The following FAM228A variants were observed in gnomAD, a reference collection of about 807,000 sequenced individuals.
FAM228A encodes protein FAM228A.
In FAM228A, 13 loss-of-function variants were observed where a neutral mutation model predicts 18.6. The observed-to-expected ratio is 0.70, with a 90% CI of 0.45 to 1.11. The LOEUF is 1.11. Ranked by LOEUF, FAM228A falls within the 50% of genes least tolerant of loss-of-function variation. The probability of loss-of-function intolerance (pLI) is 0.00; values close to 1 mark genes in which losing one functional copy is unlikely to be tolerated. For synonymous variants in FAM228A, 77 were observed against 86.6 expected (o/e 0.89, Z 0.61); for missense variants, 240 against 242.2 (o/e 0.99, Z 0.06).
intron 5 of FAM228A, among the ~76,000 whole-genome samples, chr2:24,185,089 C>G (rs543513815): frequency 1.3e-5 from 2 of 152,260 alleles, no homozygotes; most frequent in Non-Finnish European, 2.9e-5. Context: ...TCCCAAAGTG[C>G]TGGGATTACA....
In FAM228A at chr2:24,191,358, G is replaced by T. The variant is rs1471178214; in HGVS notation, c.*727G>T. 1.0e-6 allele frequency: 1 copy of T among 985,466 alleles called. No homozygotes were observed. The highest frequency in any genetic ancestry group is 1.1e-4 in the East Asian group (1 of 8,826). 61.0% of individuals were successfully genotyped at this position (985,466 alleles called of 1,614,324 possible). ...CTTTCCAGCCTGTGAGCCTGGATAG[G>T]TATTTTGTGACCCAGCTCCTGCTCA... On this transcript the variant is annotated 3_prime_UTR_variant, in exon 6 of 6. Transcript: ENST00000295150.
rs1189959205 is a variant in FAM228A at position 24,175,596 on chromosome 2, G to T, written c.93+23G>T. ...GAGGTGAGATAACGTGGCGTTTTGA[G>T]ACGTCATTTTGGCGGGGGGACCCCT... is the stretch of plus-strand genomic sequence containing the variant. On this transcript the variant is annotated intron_variant, in intron 2 of 5. Coordinates refer to ENST00000295150, the MANE Select transcript of FAM228A (RefSeq NM_001040710.3). The T allele has an allele frequency of 4.4e-6, 7 of 1,578,564 alleles. No homozygotes were observed. In the African/African-American group the frequency reaches 9.4e-5, roughly 21 times the overall value.
At chr2:24,188,493 C>T in intron 5 of FAM228A, 1 of 985,286 alleles carries the variant, frequency 1.0e-6, no homozygotes, top group Non-Finnish European at 1.2e-6. Context: ...CATTGAGAAA[C>T]CAAGCACATT....
chr2:24,183,748 A>G lies in FAM228A; in HGVS notation c.401+103A>G, dbSNP rs979997285. 5.4e-6 allele frequency: 5 copies of G among 934,452 alleles called. No individual in the cohort carries two copies. The Admixed American group carries it at 1.2e-4, about 23-fold the overall frequency. The allele number at this position is 934,452 out of a possible 1,614,324, so 57.9% of individuals were successfully genotyped here. On this transcript the variant is annotated intron_variant, in intron 5 of 5. Transcript: ENST00000295150. ...TCACACTTTTGTCTTTTAGTAGTTT[A>G]TAGTTTTATTATTATTATCATCACC...
chr2:24,182,575 T>C (rs1305288805), intron 3 of FAM228A, among the ~76,000 whole-genome samples: 1 of 152,058 alleles, frequency 6.6e-6, no homozygotes, highest in African/African-American at 2.4e-5. Context: ...ATAGCTCTGG[T>C]CACCTGACCC....
At chr2:24,189,080 T>C (rs1668022972) in intron 5 of FAM228A, among the ~76,000 whole-genome samples, 1 of 152,178 alleles carries the variant, frequency 6.6e-6, no homozygotes, top group Admixed American at 6.5e-5. Flanking sequence ...AAAGGCTTCA[T>C]GTTGCTTTGT....
At chr2:24,178,042 T>C (rs1436253706) in intron 3 of FAM228A, among the ~76,000 whole-genome samples, 172 bp downstream of exon 3, 1 of 152,200 alleles carries the variant, frequency 6.6e-6, no homozygotes, top group African/African-American at 2.4e-5. Flanking sequence ...CCATGCCCCC[T>C]TCTTGCAGGA....
rs1156369808 is a variant in FAM228A, at chr2:24,190,447, A to G, written c.437A>G (p.Lys146Arg). The G allele has an allele frequency of 1.9e-6, 3 of 1,613,762 alleles. 1 individual carries two copies. In the South Asian group the frequency reaches 3.3e-5, roughly 18 times the overall value. The change falls in exon 6 of 6, where the codon AAA becomes AGA. Residue 146 changes from lysine (K) to arginine (R), a missense_variant. Physicochemically the swap from Lys to Arg is conservative, Grantham distance 26 (BLOSUM62 2). Transcript: ENST00000295150. ...EKLIYADKKQKRKEKKTADLS... is the reference protein window; with the variant it reads ...EKLIYADKKQRRKEKKTADLS... Reference sequence around the variant, plus strand: ...CTCATCTATGCAGACAAGAAACAGAAAAGAAAAGAGAAAAAGACGGCCGAC... The same window carrying G: ...CTCATCTATGCAGACAAGAAACAGAGAAGAAAAGAGAAAAAGACGGCCGAC...
chr2:24,176,100 AAAG>A, intron 2 of FAM228A: 1 of 985,454 alleles, frequency 1.0e-6, no homozygotes, highest in African/African-American at 1.7e-5. Context: ...GCAAAATCAC[AAAG>A]AAGAGCCATC....
intron 4 of FAM228A, 56 bp from the exon 5 acceptor site, chr2:24,183,439 C>T: frequency 6.2e-7 from 1 of 1,610,560 alleles, no homozygotes. Flanking sequence ...CTCACTCCTT[C>T]AAGAGCAACT....
rs1357991307 is a variant in FAM228A at position 24,183,645 on chromosome 2, G to C, written c.401G>C (p.Ser134Thr). 2 of 1,584,486 alleles carry C rather than the reference G, an allele frequency of 1.3e-6. No homozygotes were observed. The highest frequency in any genetic ancestry group is 3.7e-5 in the Admixed American group (2 of 53,638). ...GCCAGGAGTAAAACTTACAAATACA[G>C]GTACAGATGAGCAGAACAAACAAAT... ...ARARSKTYKY[S>T]PEKLIYADKK... is the part of the protein sequence containing the mutation. The change falls in exon 5 of 6, where the codon AGT becomes ACT. Residue 134 changes from serine to threonine, a missense_variant and splice_region_variant. Ser to Thr is a moderately conservative substitution (Grantham distance 58, BLOSUM62 1). Coordinates refer to ENST00000295150, the MANE Select transcript of FAM228A (RefSeq NM_001040710.3).
At chr2:24,183,144 G>GT in intron 3 of FAM228A, 141 bp from the exon 4 acceptor site, 1 of 639,480 alleles carries the variant, frequency 1.6e-6, no homozygotes, top group Non-Finnish European at 2.8e-6. Flanking sequence ...CGAATAGGTC[G>GT]TTTTTCAACC....
At chr2:24,183,200 T>C in intron 3 of FAM228A, 85 bp from the exon 4 acceptor site, 1 of 1,001,030 alleles carries the variant, frequency 1.0e-6, no homozygotes, top group Non-Finnish European at 1.6e-6. Context: ...TCAGGGTCTA[T>C]TGTTCCCATC....
In FAM228A at chr2:24,183,580, C is replaced by T. The variant is rs751800274; in HGVS notation, c.336C>T (p.His112=). Reference sequence around the variant, plus strand: ...CGCCCTACTTCACTTTCACTTCACACTGTGTGATTCCAAAAGAGTGGCATA... The same window carrying T: ...CGCCCTACTTCACTTTCACTTCACATTGTGTGATTCCAAAAGAGTGGCATA... The part of the protein sequence containing the change: ...ASSPYFTFTS[H]CVIPKEWHKA... Residue 112 remains histidine, a synonymous_variant, in exon 5 of 6, where the codon CAC becomes CAT. Coordinates refer to ENST00000295150, the MANE Select transcript of FAM228A (RefSeq NM_001040710.3). The T allele has an allele frequency of 1.2e-6, 2 of 1,614,060 alleles. No individual in the cohort carries two copies. The highest frequency in any genetic ancestry group is 2.2e-5 in the South Asian group (2 of 91,068).
chr2:24,180,642 T>C (rs1337269930), intron 3 of FAM228A, among the ~76,000 whole-genome samples: 1 of 152,198 alleles, frequency 6.6e-6, no homozygotes, highest in East Asian at 1.9e-4. Flanking sequence ...ATCTTAGAAA[T>C]GGCATGTGTT....
At chr2:24,186,675 G>A (rs1667956457) in intron 5 of FAM228A, among the ~76,000 whole-genome samples, 1 of 151,868 alleles carries the variant, frequency 6.6e-6, no homozygotes, top group Admixed American at 6.6e-5. Flanking sequence ...GTCTTGCTCT[G>A]TTACCCAGGC....
chr2:24,180,932 G>T (rs112758398), intron 3 of FAM228A, among the ~76,000 whole-genome samples: 2 of 152,168 alleles, frequency 1.3e-5, no homozygotes, highest in Non-Finnish European at 2.9e-5. Flanking sequence ...GAAATGACAC[G>T]AGGGGGAATG....
chr2:24,177,598 G>T (rs1164321402), intron 2 of FAM228A, among the ~76,000 whole-genome samples: 2 of 152,018 alleles, frequency 1.3e-5, no homozygotes, highest in African/African-American at 4.8e-5. Flanking sequence ...GGATTTATTG[G>T]ATGAAATAAG....
intron 3 of FAM228A, among the ~76,000 whole-genome samples, chr2:24,181,630 C>T (rs1157650945): frequency 6.6e-6 from 1 of 152,156 alleles, no homozygotes; most frequent in Non-Finnish European, 1.5e-5. Flanking sequence ...AGGTGATTTA[C>T]CTGCCTTGGC....
Sources: gnomAD v4.1 joint callset for allele counts (sites outside exome capture counted in the v4.1 genomes callset) on GRCh38, gnomAD v4.1.1 for gene constraint, MANE v1.5 for transcripts, NCBI Gene and HGNC (gene_info 2026-07-23, HGNC 2026-07-21) for gene names.